The following AK5 variants were observed in gnomAD, a reference collection of about 807,000 sequenced individuals.
AK5 encodes adenylate kinase isoenzyme 5.
Under a neutral mutation model 69.5 loss-of-function variants are expected in AK5, and 27 were observed. The observed-to-expected ratio is 0.39, with a 90% CI of 0.29 to 0.54. The LOEUF is 0.54. Ranked by LOEUF, AK5 falls within the 20% of genes least tolerant of loss-of-function variation. The pLI, the probability that AK5 is intolerant of heterozygous loss-of-function variation, is 0.71. For missense variants in AK5, 531 were observed against 700.4 expected, an observed-to-expected ratio of 0.76 and a Z score of 2.73; for synonymous variants, 260 against 244.4, an observed-to-expected ratio of 1.06 and a Z score of -0.60.
chr1:77,296,389 A>G (rs1659003613), intron 3 of AK5, among the ~76,000 whole-genome samples: 1 of 152,202 alleles, frequency 6.6e-6, no homozygotes, highest in Non-Finnish European at 1.5e-5. Flanking sequence ...TTAATTTGAT[A>G]GAAACATTCA....
At chr1:77,413,519 C>A (rs1031076185) in intron 7 of AK5, among the ~76,000 whole-genome samples, 8 of 152,200 alleles carry the variant, frequency 5.3e-5, no homozygotes, top group African/African-American at 1.9e-4. Context: ...GTGTCTCCCC[C>A]TCAATGAAGC....
chr1:77,489,440 T>C (rs1397225808), intron 10 of AK5, among the ~76,000 whole-genome samples: 2 of 152,212 alleles, frequency 1.3e-5, no homozygotes, highest in Non-Finnish European at 2.9e-5. Context: ...ATTAAGGCCT[T>C]AGTTCTAAAT....
At chr1:77,412,610 A>T (rs1054232766) in intron 7 of AK5, among the ~76,000 whole-genome samples, 14 of 152,136 alleles carry the variant, frequency 9.2e-5, no homozygotes, top group African/African-American at 3.4e-4. Context: ...GCTGTTAAGG[A>T]ACAATGGTGA....
chr1:77,348,255 C>T (rs951757091), intron 6 of AK5, among the ~76,000 whole-genome samples: 8 of 152,070 alleles, frequency 5.3e-5, no homozygotes, highest in African/African-American at 1.2e-4. Flanking sequence ...TGGACAAAAT[C>T]GAGATAATTC....
intron 6 of AK5, among the ~76,000 whole-genome samples, chr1:77,347,805 G>A (rs753642487): frequency 3.3e-4 from 50 of 152,124 alleles, no homozygotes; most frequent in Non-Finnish European, 5.3e-4. Flanking sequence ...CACATTTATA[G>A]CTCATCCTGG....
At chr1:77,315,150 A>C (rs1660179813) in intron 5 of AK5, 1 of 152,150 alleles carries the variant, frequency 6.6e-6, no homozygotes, top group Non-Finnish European at 1.5e-5. Context: ...ATAAAATTAC[A>C]TACACTGGAA....
At position 77,483,301 on chromosome 1, in the gene AK5, G is replaced by T. The variant is rs1453457285; in HGVS notation, c.1060-16G>T. 2 of 1,601,020 alleles carry T rather than the reference G, an allele frequency of 1.2e-6. No individual in the cohort carries two copies. The highest frequency in any genetic ancestry group is 4.5e-5 in the East Asian group (2 of 44,792). ...CCTGCTGTTATTATTATCTAATATT[G>T]TGATTTTTTTAACAGGGTGATGACC... On this transcript the variant is annotated splice_polypyrimidine_tract_variant and intron_variant, in intron 8 of 13. Transcript: ENST00000354567.
At chr1:77,548,767 T>C (rs1659666738) in intron 13 of AK5, among the ~76,000 whole-genome samples, 1 of 152,196 alleles carries the variant, frequency 6.6e-6, no homozygotes, top group Admixed American at 6.5e-5. Context: ...AGCAGTGTAA[T>C]TGCTTTCCTC....
intron 6 of AK5, among the ~76,000 whole-genome samples, chr1:77,347,743 A>G (rs77112762): frequency 0.018 from 2,701 of 152,232 alleles, 80 homozygotes; most frequent in African/African-American, 0.062. Context: ...TGGGCAGCAA[A>G]TTCTGCTAGT....
intron 5 of AK5, among the ~76,000 whole-genome samples, chr1:77,303,375 A>G (rs1659450088): frequency 6.6e-6 from 1 of 152,266 alleles, no homozygotes; most frequent in South Asian, 2.1e-4. Context: ...ATATTTGTTA[A>G]GTCCTTCAAA....
Position 77,369,584 on chromosome 1 carries a change from A to G in AK5, c.891+29016A>G, listed in dbSNP as rs1186859031. Among the ~76,000 whole-genome samples, 3 of 150,500 alleles carry G rather than the reference A, an allele frequency of 2.0e-5. No homozygotes were observed. The South Asian group carries it at 6.4e-4, about 32-fold the overall frequency. ...ATCTTTTTGTCTCCTATATCAACTG[A>G]TCATGAGAGTTATATTAATTATGGC... is the stretch of plus-strand genomic sequence containing the variant. On this transcript the variant is annotated intron_variant, in intron 6 of 13. Transcript: ENST00000354567.
chr1:77,411,958 T>C (rs908610579), intron 7 of AK5, among the ~76,000 whole-genome samples: 3 of 152,186 alleles, frequency 2.0e-5, no homozygotes, highest in Non-Finnish European at 4.4e-5. Context: ...AGTTGGCCTA[T>C]TGCAAGAAAG....
chr1:77,539,503 G>T (rs1410295961), intron 13 of AK5, among the ~76,000 whole-genome samples: 1 of 152,148 alleles, frequency 6.6e-6, no homozygotes, highest in Non-Finnish European at 1.5e-5. Context: ...TACCCACACA[G>T]CTGCAAAGAT....
chr1:77,283,733 C>A, intron 1 of AK5: 2 of 546,702 alleles, frequency 3.7e-6, no homozygotes, highest in Non-Finnish European at 4.6e-6. Context: ...ATGTGGGAAT[C>A]TTAAGAGTTG....
chr1:77,283,588 G>A, intron 1 of AK5: 3 of 985,338 alleles, frequency 3.0e-6, no homozygotes, highest in Non-Finnish European at 3.6e-6. Flanking sequence ...CCGTTTTCAG[G>A]TCATCTGAAG....
chr1:77,373,724 T>A (rs1446670209), intron 6 of AK5, among the ~76,000 whole-genome samples: 4 of 115,102 alleles, frequency 3.5e-5, no homozygotes, highest in African/African-American at 1.1e-4. Context: ...AGACTCCATC[T>A]CAAAAAAGAA....
intron 3 of AK5, among the ~76,000 whole-genome samples, chr1:77,295,966 C>G (rs1658980601): frequency 6.6e-6 from 1 of 152,118 alleles, no homozygotes; most frequent in South Asian, 2.1e-4. Context: ...TATAGGCTTA[C>G]ATGCTGTGTT....
intron 6 of AK5, among the ~76,000 whole-genome samples, chr1:77,347,389 T>A (rs1342960185): frequency 1.3e-5 from 2 of 152,166 alleles, no homozygotes; most frequent in Non-Finnish European, 1.5e-5. Context: ...ACTTATCAAA[T>A]CTTAACTGTG....
intron 12 of AK5, among the ~76,000 whole-genome samples, chr1:77,529,417 T>A (rs1658457704): frequency 6.7e-6 from 1 of 148,308 alleles, no homozygotes. Context: ...CACTGCAACC[T>A]CCGCCTCCTG....
Sources: gnomAD v4.1 joint callset for allele counts (sites outside exome capture counted in the v4.1 genomes callset) on GRCh38, gnomAD v4.1.1 for gene constraint, MANE v1.5 for transcripts, NCBI Gene and HGNC (gene_info 2026-07-23, HGNC 2026-07-21) for gene names.